The following STK33 variants were observed in gnomAD, a reference collection of about 807,000 sequenced individuals.
STK33 encodes the protein serine/threonine kinase 33.
In STK33, 52 loss-of-function variants were observed where a neutral mutation model predicts 58.0. The observed-to-expected ratio is 0.90, with a 90% CI of 0.72 to 1.13. The LOEUF (loss-of-function observed/expected upper bound fraction) is 1.13, where lower values mean the gene tolerates loss of function less well. Ranked by LOEUF, STK33 falls within the 50% of genes most tolerant of loss-of-function variation. The pLI is 0.00. For synonymous variants in STK33, 215 were observed against 200.1 expected, an observed-to-expected ratio of 1.07 and a Z score of -0.63; for missense variants, 630 against 604.2, an observed-to-expected ratio of 1.04 and a Z score of -0.45.
intron 14 of STK33, among the ~76,000 whole-genome samples, chr11:8,434,639 G>C (rs1943843536): frequency 6.6e-6 from 1 of 152,060 alleles, no homozygotes; most frequent in African/African-American, 2.4e-5. Flanking sequence ...ATGGTTCCTT[G>C]CATCTTGTTG....
chr11:8,441,181 A>C (rs1397491839), intron 11 of STK33, among the ~76,000 whole-genome samples: 1 of 152,186 alleles, frequency 6.6e-6, no homozygotes, highest in East Asian at 1.9e-4. Flanking sequence ...CGTGGTTATA[A>C]ATCACTTTAG....
At chr11:8,394,789 T>G (rs959554354) in intron 15 of STK33, among the ~76,000 whole-genome samples, 6 of 152,230 alleles carry the variant, frequency 3.9e-5, no homozygotes, top group Admixed American at 6.5e-5. Flanking sequence ...AATGTTTAGT[T>G]GCTTTGGTGT....
intron 15 of STK33, among the ~76,000 whole-genome samples, chr11:8,407,626 G>C (rs1477729041): frequency 6.6e-6 from 1 of 151,830 alleles, no homozygotes; most frequent in African/African-American, 2.4e-5. Context: ...AAGTCATTAA[G>C]AGCCAGTAAG....
chr11:8,487,421 C>CAAAAAA (rs35061686), intron 1 of STK33, among the ~76,000 whole-genome samples: 1 of 102,994 alleles, frequency 9.7e-6, no homozygotes. Context: ...GACCCAGTCT[C>CAAAAAA]AAAAAAAAAA....
At chr11:8,507,462 A>C (rs1951946452) in intron 1 of STK33, among the ~76,000 whole-genome samples, 3 of 152,190 alleles carry the variant, frequency 2.0e-5, no homozygotes, top group African/African-American at 7.2e-5. Flanking sequence ...TAAACACTCA[A>C]TGCACATTGT....
At chr11:8,360,813 C>T in the STK33 span, among the ~76,000 whole-genome samples, 2 of 152,248 alleles carry the variant, frequency 1.3e-5, no homozygotes, top group East Asian at 3.9e-4. Context: ...AAATCCTTCT[C>T]GTGCTTTGAC....
chr11:8,485,377 T>C (rs888424417), intron 1 of STK33, among the ~76,000 whole-genome samples: 2 of 152,224 alleles, frequency 1.3e-5, no homozygotes, highest in Non-Finnish European at 2.9e-5. Context: ...AGCACACTTT[T>C]TAACCAGATA....
At chr11:8,345,971 T>C in the STK33 span, among the ~76,000 whole-genome samples, 2 of 152,236 alleles carry the variant, frequency 1.3e-5, no homozygotes, top group Admixed American at 6.5e-5. Context: ...TTTTGCTTTA[T>C]GTGCGTCATC....
chr11:8,390,001 C>T (rs1848596073), downstream of STK33, among the ~76,000 whole-genome samples: 1 of 152,248 alleles, frequency 6.6e-6, no homozygotes, highest in Admixed American at 6.5e-5. Flanking sequence ...CTTCCCTCCT[C>T]TCGCTCCGGC....
chr11:8,419,818 G>A (rs1041116957), intron 14 of STK33, among the ~76,000 whole-genome samples: 1 of 152,048 alleles, frequency 6.6e-6, no homozygotes, highest in Non-Finnish European at 1.5e-5. Context: ...ACATAAAAAT[G>A]TATGGAATGT....
chr11:8,493,090 C>G (rs1950760602), intron 1 of STK33, among the ~76,000 whole-genome samples: 1 of 151,956 alleles, frequency 6.6e-6, no homozygotes, highest in South Asian at 2.1e-4. Context: ...CAAGAAATAA[C>G]TAAGATCAGA....
Position 8,392,162 on chromosome 11 carries a change from T to C in STK33, c.*348A>G, listed in dbSNP as rs968396015. 4 of 251,706 alleles carry C rather than the reference T, an allele frequency of 1.6e-5. No homozygotes were observed. The highest frequency in any genetic ancestry group is 3.0e-5 in the Non-Finnish European group (4 of 131,376). The allele number at this position is 251,706 out of a possible 1,614,324, so 15.6% of individuals were successfully genotyped here. ...TTGGCCTCTTGTTTTCCCCTATAAA[T>C]AGCTGTGCCTAAACATAAGAATTTG... On this transcript the variant is annotated 3_prime_UTR_variant, in exon 16 of 16. Transcript: ENST00000687296.
chr11:8,444,371 A>C (rs1224240865), intron 11 of STK33, among the ~76,000 whole-genome samples: 2 of 152,176 alleles, frequency 1.3e-5, no homozygotes, highest in East Asian at 3.8e-4. Context: ...CTTTGCTCTA[A>C]AACATCAGAT....
intron 14 of STK33, among the ~76,000 whole-genome samples, chr11:8,433,512 T>C (rs1591016068): frequency 6.6e-6 from 1 of 152,188 alleles, no homozygotes; most frequent in Non-Finnish European, 1.5e-5. Context: ...CTTAAATCTT[T>C]CCAGTTTCAA....
chr11:8,370,929 A>G, the STK33 span, among the ~76,000 whole-genome samples: 9 of 152,188 alleles, frequency 5.9e-5, no homozygotes, highest in Admixed American at 2.0e-4. Context: ...ATGAGTTTGG[A>G]GATCATGAAG....
At chr11:8,590,247 A>T (rs140037362) in intron 1 of STK33, among the ~76,000 whole-genome samples, 110 of 152,292 alleles carry the variant, frequency 7.2e-4, no homozygotes, top group African/African-American at 2.6e-3. Flanking sequence ...TTTTCCAAAT[A>T]ATCATCAGCT....
intron 11 of STK33, among the ~76,000 whole-genome samples, chr11:8,449,215 G>A (rs887919736): frequency 6.6e-6 from 1 of 151,632 alleles, no homozygotes; most frequent in Non-Finnish European, 1.5e-5. Context: ...CATTGTGGAA[G>A]ACAGTGTGGC....
intron 1 of STK33, among the ~76,000 whole-genome samples, chr11:8,540,858 T>C (rs1466200825): frequency 1.3e-5 from 2 of 152,142 alleles, no homozygotes; most frequent in Non-Finnish European, 2.9e-5. Context: ...AATTGTATTA[T>C]ATTAGACATT....
At chr11:8,497,910 C>G (rs1285933737) in intron 1 of STK33, among the ~76,000 whole-genome samples, 1 of 152,198 alleles carries the variant, frequency 6.6e-6, no homozygotes, top group African/African-American at 2.4e-5. Context: ...CTCACACACA[C>G]ACACAACTTT....
Sources: gnomAD v4.1 joint callset for allele counts (sites outside exome capture counted in the v4.1 genomes callset) on GRCh38, gnomAD v4.1.1 for gene constraint, MANE v1.5 for transcripts, NCBI Gene and HGNC (gene_info 2026-07-23, HGNC 2026-07-21) for gene names.